The following ZCCHC14 variants were observed in gnomAD, a reference collection of about 807,000 sequenced individuals.
ZCCHC14 encodes the protein zinc finger CCHC domain-containing protein 14.
A neutral mutation model predicts 85.0 loss-of-function variants in ZCCHC14; 16 were observed. The observed-to-expected ratio is 0.19, with a 90% confidence interval of 0.13 to 0.29. The LOEUF is 0.29. ZCCHC14 is among the 10% of genes least tolerant of loss of function. The pLI, the probability that ZCCHC14 is intolerant of heterozygous loss-of-function variation, is 1.00. For missense variants in ZCCHC14, 1,303 were observed against 1,443.5 expected (o/e 0.90, Z 1.58); for synonymous variants, 775 against 630.7 (o/e 1.23, Z -3.43).
intron 2 of ZCCHC14, among the ~76,000 whole-genome samples, chr16:87,455,820 G>A (rs1049259599): frequency 1.3e-4 from 20 of 152,210 alleles, no homozygotes; most frequent in African/African-American, 4.3e-4. Flanking sequence ...TTTCAGTACA[G>A]ACTCAATAGA....
At chr16:87,447,551 G>T (rs1910502277) in intron 2 of ZCCHC14, among the ~76,000 whole-genome samples, 1 of 152,166 alleles carries the variant, frequency 6.6e-6, no homozygotes, top group Non-Finnish European at 1.5e-5. Context: ...CTTTGAAAAT[G>T]ACTGAGTTCT....
At chr16:87,455,208 A>G (rs1910894573) in intron 2 of ZCCHC14, among the ~76,000 whole-genome samples, 1 of 151,880 alleles carries the variant, frequency 6.6e-6, no homozygotes, top group African/African-American at 2.4e-5. Context: ...GAATCACTTG[A>G]CCCCAGGAGG....
At chr16:87,465,675 T>C (rs1330710228) in intron 1 of ZCCHC14, among the ~76,000 whole-genome samples, 2 of 152,240 alleles carry the variant, frequency 1.3e-5, no homozygotes, top group African/African-American at 4.8e-5. Flanking sequence ...CGGATCTGGC[T>C]GAAACGCAGG....
chr16:87,453,163 G>A (rs1290568800), intron 2 of ZCCHC14, among the ~76,000 whole-genome samples: 2 of 152,216 alleles, frequency 1.3e-5, no homozygotes, highest in African/African-American at 2.4e-5. Flanking sequence ...GCTCCTGGGG[G>A]ACAAAGCCAT....
intron 2 of ZCCHC14, among the ~76,000 whole-genome samples, chr16:87,458,829 G>A (rs970794203): frequency 6.6e-6 from 1 of 152,148 alleles, no homozygotes; most frequent in South Asian, 2.1e-4. Context: ...CAGCAGATGC[G>A]GACACAGCCG....
intron 3 of ZCCHC14, among the ~76,000 whole-genome samples, chr16:87,431,421 C>G (rs963793097): frequency 6.9e-6 from 1 of 145,610 alleles, no homozygotes; most frequent in Non-Finnish European, 1.5e-5. Context: ...TACAGTGAGC[C>G]GAGATCGCGT....
intron 3 of ZCCHC14, 74 bp from the exon 4 acceptor site, chr16:87,423,955 G>A (rs977921409): frequency 4.0e-6 from 6 of 1,506,910 alleles, no homozygotes; most frequent in South Asian, 3.5e-5. Context: ...GTCCTGGTAC[G>A]ACTGGGGCAC....
At chr16:87,442,981 G>C (rs1910257898) in intron 2 of ZCCHC14, among the ~76,000 whole-genome samples, 1 of 152,196 alleles carries the variant, frequency 6.6e-6, no homozygotes, top group South Asian at 2.1e-4. Context: ...TGAAAGAACT[G>C]CTAAAGTTCT....
Position 87,410,314 on chromosome 16 carries a change from G to A in ZCCHC14, c.3227C>T (p.Ala1076Val), listed in dbSNP as rs764642783. The change falls in exon 13 of 13, where the codon GCC (alanine) becomes GTC (valine). Residue 1076 changes from alanine to valine, a missense_variant. Coordinates refer to ENST00000671377, the MANE Select transcript of ZCCHC14 (RefSeq NM_015144.3). ...GGAGTCCAGACTTTCTGCTGGAGGGGCGTATTTCAACCTAAAAGTACCTAG... is the reference window on the plus strand; with the variant it reads ...GGAGTCCAGACTTTCTGCTGGAGGGACGTATTTCAACCTAAAAGTACCTAG... ...NRPGTFRLKY[A>V]PPAESLDSTD 1 of 776,398 alleles carries A rather than the reference G, an allele frequency of 1.3e-6. No individual in the cohort carries two copies. The highest frequency in any genetic ancestry group is 1.4e-5 in the South Asian group (1 of 73,652). The allele number at this position is 776,398 out of a possible 1,614,324, so 48.1% of individuals were successfully genotyped here. A position where few individuals can be genotyped will look rare whatever the true frequency, so the allele number is the denominator to read the frequency against.
In ZCCHC14 at chr16:87,407,691, C is replaced by T. The variant is rs940583728; in HGVS notation, c.*2589G>A. On this transcript the variant is annotated 3_prime_UTR_variant, in exon 13 of 13. Coordinates refer to ENST00000671377, the MANE Select transcript of ZCCHC14 (RefSeq NM_015144.3). ...TGCCACACCTACCTGGTTGCCACAG[C>T]ATTCTGAAACAGACCACACTTTCAG... The T allele has an allele frequency of 1.3e-5, 2 of 152,254 alleles. No homozygotes were observed. Among genetic ancestry groups the T allele is most frequent in the Non-Finnish European group, 2.9e-5 (2 of 68,046 alleles). 9.4% of individuals were successfully genotyped at this position (152,254 alleles called of 1,614,324 possible). A position where few individuals can be genotyped will look rare whatever the true frequency, so the allele number is the denominator to read the frequency against.
At chr16:87,449,711 A>G (rs949946075) in intron 2 of ZCCHC14, among the ~76,000 whole-genome samples, 1 of 152,204 alleles carries the variant, frequency 6.6e-6, no homozygotes, top group Non-Finnish European at 1.5e-5. Flanking sequence ...AATCACAGTA[A>G]AGGGAATATT....
intron 6 of ZCCHC14, among the ~76,000 whole-genome samples, 157 bp downstream of exon 6, chr16:87,419,626 G>C (rs541016427): frequency 1.1e-4 from 17 of 151,900 alleles, no homozygotes; most frequent in Admixed American, 4.6e-4. Context: ...AGTAGAGACA[G>C]GGTTTTTCCA....
intron 2 of ZCCHC14, among the ~76,000 whole-genome samples, chr16:87,450,984 T>C (rs893556892): frequency 7.2e-5 from 11 of 152,116 alleles, no homozygotes; most frequent in Admixed American, 3.3e-4. Flanking sequence ...CAACAACCTC[T>C]GCCTCCTGGG....
chr16:87,479,600 C>T (rs1037109456), intron 1 of ZCCHC14, among the ~76,000 whole-genome samples: 11 of 152,102 alleles, frequency 7.2e-5, no homozygotes, highest in African/African-American at 2.4e-4. Flanking sequence ...GAATGAGTAA[C>T]GGTTTTTCAA....
At chr16:87,487,898 T>G in intron 1 of ZCCHC14, among the ~76,000 whole-genome samples, 2 of 146,108 alleles carry the variant, frequency 1.4e-5, no homozygotes, top group Non-Finnish European at 3.0e-5. Flanking sequence ...GGCCACACGG[T>G]GTGTGGTCCC....
At position 87,415,293 on chromosome 16, in the gene ZCCHC14, G is replaced by C. The variant is rs764335197; in HGVS notation, c.1458C>G (p.Thr486=). ...ACACTCACTTTTCCAGCTCCAGCTG[G>C]GTCTTGAGCTTCTTCTTTGCCCCCA... is the stretch of plus-strand genomic sequence containing the variant. ...LTMGAKKKLK[T]QLELEKEKSE... is the part of the protein sequence containing the mutation. The change falls in exon 9 of 13, where the codon ACC becomes ACG. Residue 486 remains threonine (T), a synonymous_variant. Coordinates refer to ENST00000671377, the MANE Select transcript of ZCCHC14 (RefSeq NM_015144.3). 6.2e-7 allele frequency: 1 copy of C among 1,613,852 alleles called. No homozygotes were observed. Among genetic ancestry groups the C allele is most frequent in the Non-Finnish European group, 8.5e-7 (1 of 1,179,958 alleles).
rs1402383905 is a variant in ZCCHC14 at position 87,421,519 on chromosome 16, GC to G, written c.841-804del. Among the ~76,000 whole-genome samples, 13 of 152,176 alleles carry G rather than the reference GC, an allele frequency of 8.5e-5. 1 individual carries two copies. ...CCCCGAAGCCCAGGCACACAGGCCTGCCCAGGATCAGGCTGGGCTGCAAGAG... is the reference window on the plus strand; with the variant it reads ...CCCCGAAGCCCAGGCACACAGGCCTGCCAGGATCAGGCTGGGCTGCAAGAG... On this transcript the variant is annotated intron_variant, in intron 4 of 12. Coordinates refer to ENST00000671377, the MANE Select transcript of ZCCHC14 (RefSeq NM_015144.3).
At position 87,411,975 on chromosome 16, in the gene ZCCHC14, C is replaced by T. The variant is rs367854568; in HGVS notation, c.2746G>A (p.Ala916Thr). The change falls in exon 12 of 13, where the codon GCC (alanine) becomes ACC (threonine). Residue 916 changes from alanine (A) to threonine (T), a missense_variant. Transcript: ENST00000671377. The stretch of plus-strand genomic sequence containing the variant: ...ACAATGCAGCCTGGCGGGGGTGGGG[C>T]GGGCTGCGGGGGTGCCGGGGGCTGC... ...HQQPPAPPQP[A>T]PPPPGCIVCT... The T allele has an allele frequency of 8.9e-5, 142 of 1,603,136 alleles. No individual in the cohort carries two copies. The African/African-American group carries it at 1.4e-3, about 15-fold the overall frequency.
chr16:87,469,794 G>A (rs1414379465), intron 1 of ZCCHC14, among the ~76,000 whole-genome samples: 1 of 152,154 alleles, frequency 6.6e-6, no homozygotes, highest in Non-Finnish European at 1.5e-5. Context: ...TACAGCATCT[G>A]CTGCACCCCT....
Sources: allele counts gnomAD v4.1 joint callset (sites outside exome capture counted in the v4.1 genomes callset), GRCh38; gene constraint gnomAD v4.1.1; transcripts MANE v1.5; gene names NCBI Gene and HGNC (gene_info 2026-07-23, HGNC 2026-07-21).